ZCCHC2: variants seen among roughly 807,000 people sequenced by gnomAD.
ZCCHC2 encodes the protein zinc finger CCHC domain-containing protein 2.
A neutral mutation model predicts 103.6 loss-of-function variants in ZCCHC2; 39 were observed. The observed-to-expected ratio is 0.38, with a 90% CI of 0.29 to 0.49. The LOEUF (loss-of-function observed/expected upper bound fraction) is 0.49. ZCCHC2 is among the 20% of genes least tolerant of loss of function. The pLI, the probability that ZCCHC2 is intolerant of heterozygous loss-of-function variation, is 0.96. For synonymous variants in ZCCHC2, 687 were observed against 608.9 expected (o/e 1.13, Z -1.89); for missense variants, 1,483 against 1,491.0 (o/e 0.99, Z 0.09).
chr18:62,524,709 A>C, intron 1 of ZCCHC2: 1 of 280,258 alleles, frequency 3.6e-6, no homozygotes, highest in African/African-American at 2.2e-5. Flanking sequence ...TGAGCATCTC[A>C]GCGCTCGGTG....
intron 3 of ZCCHC2, among the ~76,000 whole-genome samples, chr18:62,542,884 T>C (rs1020851499): frequency 6.6e-6 from 1 of 152,174 alleles, no homozygotes; most frequent in African/African-American, 2.4e-5. Context: ...GCATTGTCTT[T>C]CCTGGCATTG....
chr18:62,571,892 A>G (rs548254523), intron 12 of ZCCHC2, among the ~76,000 whole-genome samples: 1 of 152,380 alleles, frequency 6.6e-6, no homozygotes, highest in African/African-American at 2.4e-5. Flanking sequence ...ATGATATACA[A>G]TTAAAGTCAG....
chr18:62,523,360 C>A lies in ZCCHC2; in HGVS notation c.-65C>A. The A allele has an allele frequency of 3.0e-6, 3 of 1,003,898 alleles. No homozygotes were observed. Among genetic ancestry groups the A allele is most frequent in the Non-Finnish European group, 3.6e-6 (3 of 843,628 alleles). The allele number at this position is 1,003,898 out of a possible 1,614,324, so 62.2% of individuals were successfully genotyped here. On this transcript the variant is annotated 5_prime_UTR_variant, in exon 1 of 14. Coordinates refer to ENST00000269499, the MANE Select transcript of ZCCHC2 (RefSeq NM_017742.6). ...TGACGGCCGCGCCGCCGCCTCGGCC[C>A]GTGCTCCACCTCGCGGCCCCTCCCG... is the stretch of plus-strand genomic sequence containing the variant.
intron 1 of ZCCHC2, 30 bp from the exon 2 acceptor site, chr18:62,539,651 A>C: frequency 6.5e-7 from 1 of 1,530,322 alleles, no homozygotes; most frequent in Admixed American, 1.9e-5. Context: ...CCATGGTTTA[A>C]GTTAACGTAT....
chr18:62,541,972 T>C (rs1915210063), intron 2 of ZCCHC2, among the ~76,000 whole-genome samples: 1 of 152,198 alleles, frequency 6.6e-6, no homozygotes. Flanking sequence ...TTATATGATA[T>C]TGAGGGTTAC....
Position 62,550,471 on chromosome 18 carries a change from A to G in ZCCHC2, c.1313+11A>G, listed in dbSNP as rs774570155. ...AGAGCCCATCCTAAGGTAATGATTT[A>G]CCTGACGCCTATCATAGCAGCATAC... is the stretch of plus-strand genomic sequence containing the variant. On this transcript the variant is annotated intron_variant, in intron 5 of 13. Coordinates refer to ENST00000269499, the MANE Select transcript of ZCCHC2 (RefSeq NM_017742.6). The G allele has an allele frequency of 2.4e-5, 39 of 1,601,766 alleles. No homozygotes were observed. Among genetic ancestry groups the G allele is most frequent in the Non-Finnish European group, 3.2e-5 (38 of 1,170,802 alleles).
chr18:62,537,103 C>T (rs1598934085), intron 1 of ZCCHC2, among the ~76,000 whole-genome samples: 1 of 152,290 alleles, frequency 6.6e-6, no homozygotes, highest in East Asian at 1.9e-4. Context: ...AACATTCTAT[C>T]ATCCCAAACA....
At chr18:62,554,247 A>C (rs1915787104) in intron 5 of ZCCHC2, among the ~76,000 whole-genome samples, 1 of 152,200 alleles carries the variant, frequency 6.6e-6, no homozygotes, top group African/African-American at 2.4e-5. Flanking sequence ...GAAGTGTAGC[A>C]GTTATAAAGG....
At chr18:62,558,951 T>A (rs186605294) in intron 7 of ZCCHC2, among the ~76,000 whole-genome samples, 181 bp downstream of exon 7, 1 of 152,350 alleles carries the variant, frequency 6.6e-6, no homozygotes, top group African/African-American at 2.4e-5. Context: ...AATTGTTCAA[T>A]AAATGGTGTG....
chr18:62,549,217 T>G (rs1283942276), intron 4 of ZCCHC2, among the ~76,000 whole-genome samples: 2 of 147,468 alleles, frequency 1.4e-5, no homozygotes. Context: ...AGACTCCGTC[T>G]CAAAAAAAAA....
intron 5 of ZCCHC2, among the ~76,000 whole-genome samples, chr18:62,552,947 C>T (rs1201751032): frequency 6.6e-6 from 1 of 151,360 alleles, no homozygotes; most frequent in Non-Finnish European, 1.5e-5. Flanking sequence ...TAGGATTCTC[C>T]TCAGCTTTGA....
At position 62,570,562 on chromosome 18, in the gene ZCCHC2, C is replaced by T. The variant is rs192414477; in HGVS notation, c.1975+331C>T. Among the ~76,000 whole-genome samples, 4 of 152,276 alleles carry T rather than the reference C, an allele frequency of 2.6e-5. No individual in the cohort carries two copies. In the South Asian group the frequency reaches 8.3e-4, roughly 32 times the overall value. On this transcript the variant is annotated intron_variant, in intron 12 of 13. Transcript: ENST00000269499. ...TATGTTTATGCTCTTTACGTCCTCTCGATTGATTGACCCTTTTATCATTTT... is the reference window on the plus strand; with the variant it reads ...TATGTTTATGCTCTTTACGTCCTCTTGATTGATTGACCCTTTTATCATTTT...
chr18:62,548,958 G>A (rs1407686999), intron 4 of ZCCHC2, among the ~76,000 whole-genome samples: 3 of 152,014 alleles, frequency 2.0e-5, no homozygotes, highest in Admixed American at 6.5e-5. Flanking sequence ...GGTGGCTCAC[G>A]CCTGTAATCC....
In ZCCHC2 at chr18:62,523,366, C is replaced by T. The variant is rs1307255585; in HGVS notation, c.-59C>T. 2 of 1,010,034 alleles carry T rather than the reference C, an allele frequency of 2.0e-6. No individual in the cohort carries two copies. Among genetic ancestry groups the T allele is most frequent in the Non-Finnish European group, 2.4e-6 (2 of 847,414 alleles). 62.6% of individuals were successfully genotyped at this position (1,010,034 alleles called of 1,614,324 possible). A position where few individuals can be genotyped will look rare whatever the true frequency, so the allele number is the denominator to read the frequency against. On this transcript the variant is annotated 5_prime_UTR_variant, in exon 1 of 14. Coordinates refer to ENST00000269499, the MANE Select transcript of ZCCHC2 (RefSeq NM_017742.6). Reference sequence around the variant, plus strand: ...CCGCGCCGCCGCCTCGGCCCGTGCTCCACCTCGCGGCCCCTCCCGCCCGCC... The same window carrying T: ...CCGCGCCGCCGCCTCGGCCCGTGCTTCACCTCGCGGCCCCTCCCGCCCGCC...
chr18:62,553,337 A>G (rs1568548722), intron 5 of ZCCHC2, among the ~76,000 whole-genome samples: 2 of 152,156 alleles, frequency 1.3e-5, no homozygotes, highest in Non-Finnish European at 2.9e-5. Context: ...GCTACATAAT[A>G]TACCTTTTTA....
At chr18:62,585,728 C>T (rs1917154279) in exon 15 of ZCCHC2, 1 of 152,232 alleles carries the variant, frequency 6.6e-6, no homozygotes, top group African/African-American at 2.4e-5. Flanking sequence ...AGACATAAAG[C>T]ACTCAATGTC....
chr18:62,543,990 G>C (rs1915309804), intron 3 of ZCCHC2, among the ~76,000 whole-genome samples: 2 of 152,178 alleles, frequency 1.3e-5, no homozygotes, highest in Non-Finnish European at 2.9e-5. Flanking sequence ...ACCAATTTTA[G>C]ACTTGTAGAT....
intron 12 of ZCCHC2, among the ~76,000 whole-genome samples, chr18:62,571,161 A>G (rs1050718919): frequency 2.6e-5 from 4 of 152,084 alleles, no homozygotes; most frequent in Admixed American, 1.3e-4. Context: ...AATTATGACA[A>G]ATGTCCTGCG....
At chr18:62,579,823 A>G (rs1916992990), downstream of ZCCHC2, among the ~76,000 whole-genome samples, 1 of 152,114 alleles carries the variant, frequency 6.6e-6, no homozygotes, top group Admixed American at 6.5e-5. Flanking sequence ...CCCGGGTTCA[A>G]GTGATTCTCC....
Sources: gnomAD v4.1 joint callset for allele counts (sites outside exome capture counted in the v4.1 genomes callset) on GRCh38, gnomAD v4.1.1 for gene constraint, MANE v1.5 for transcripts, NCBI Gene and HGNC (gene_info 2026-07-23, HGNC 2026-07-21) for gene names.